The following OSBPL1A variants were observed in gnomAD, a reference collection of about 807,000 sequenced individuals.
The protein encoded by OSBPL1A is oxysterol-binding protein-related protein 1.
OSBPL1A carries 80 observed loss-of-function variants against 137.1 expected under a neutral mutation model. The observed-to-expected ratio is 0.58, with a 90% CI of 0.49 to 0.70. OSBPL1A has a LOEUF of 0.70. Ranked by LOEUF, OSBPL1A falls within the 30% of genes least tolerant of loss-of-function variation. The pLI is 0.00. For missense variants in OSBPL1A, 970 were observed against 1,129.4 expected (o/e 0.86, Z 2.02); for synonymous variants, 365 against 389.7 (o/e 0.94, Z 0.75).
At chr18:24,374,228 AC>A (rs1905905996) in intron 2 of OSBPL1A, among the ~76,000 whole-genome samples, 2 of 152,168 alleles carry the variant, frequency 1.3e-5, no homozygotes, top group African/African-American at 4.8e-5. Flanking sequence ...TTTCTAGACA[AC>A]CCAGATCCTC....
intron 1 of OSBPL1A, among the ~76,000 whole-genome samples, chr18:24,384,629 C>A (rs890438653): frequency 6.6e-6 from 1 of 151,356 alleles, no homozygotes; most frequent in Admixed American, 6.6e-5. Context: ...CAGCACTTTG[C>A]GAGGCCAAGA....
intron 15 of OSBPL1A, among the ~76,000 whole-genome samples, chr18:24,255,329 A>C (rs1046296455): frequency 6.6e-6 from 1 of 152,236 alleles, no homozygotes; most frequent in Non-Finnish European, 1.5e-5. Context: ...AGAGAAGGGA[A>C]TACTTCCAAA....
At chr18:24,213,431 T>C (rs2087602719) in intron 17 of OSBPL1A, among the ~76,000 whole-genome samples, 1 of 152,046 alleles carries the variant, frequency 6.6e-6, no homozygotes, top group Non-Finnish European at 1.5e-5. Context: ...TAGCCAGGTG[T>C]GGTGGCGCAG....
intron 15 of OSBPL1A, among the ~76,000 whole-genome samples, chr18:24,276,560 C>T (rs532788327): frequency 1.1e-4 from 16 of 152,290 alleles, no homozygotes; most frequent in African/African-American, 3.6e-4. Context: ...CTGCCTCACT[C>T]AGCCTCTCGA....
intron 15 of OSBPL1A, among the ~76,000 whole-genome samples, chr18:24,262,956 C>G (rs11877403): frequency 6.6e-6 from 1 of 152,060 alleles, no homozygotes; most frequent in Admixed American, 6.5e-5. Context: ...TGCAACTATA[C>G]GCAGTTCTTT....
chr18:24,365,747 G>T (rs2091694955), intron 4 of OSBPL1A, among the ~76,000 whole-genome samples: 1 of 152,140 alleles, frequency 6.6e-6, no homozygotes, highest in South Asian at 2.1e-4. Flanking sequence ...TTTTGGTGAT[G>T]TTGCACAATT....
rs538898285 is a variant in OSBPL1A at position 24,353,466 on chromosome 18, G to C, written c.283-11808C>G. On this transcript the variant is annotated intron_variant, in intron 4 of 27. Transcript: ENST00000319481. ...GAAATAGGAACACTTTTACACTGTT[G>C]GTGGGACTGTAAACTAGTTCAACCA... is the stretch of plus-strand genomic sequence containing the variant. 2.0e-3 allele frequency among the ~76,000 whole-genome samples: 307 copies of C among 152,106 alleles called. 1 individual carries two copies. The highest frequency in any genetic ancestry group is 6.8e-3 in the African/African-American group (280 of 41,466).
intron 5 of OSBPL1A, among the ~76,000 whole-genome samples, chr18:24,340,144 A>G (rs888395807): frequency 7.2e-5 from 11 of 152,216 alleles, no homozygotes; most frequent in African/African-American, 2.7e-4. Context: ...CATTAGAAAT[A>G]CTACTAAAAA....
At chr18:24,261,437 A>AT (rs2089443350) in intron 15 of OSBPL1A, among the ~76,000 whole-genome samples, 2 of 152,238 alleles carry the variant, frequency 1.3e-5, no homozygotes, top group Non-Finnish European at 2.9e-5. Context: ...CAATAAAGCT[A>AT]TAAAAATGAT....
intron 19 of OSBPL1A, 35 bp downstream of exon 19, chr18:24,181,110 C>T: frequency 1.2e-6 from 2 of 1,604,382 alleles, no homozygotes; most frequent in South Asian, 2.2e-5. Context: ...AGCAAGGTCT[C>T]TAAGAGTTAG....
chr18:24,309,460 T>C (rs1196006890), intron 13 of OSBPL1A, among the ~76,000 whole-genome samples: 2 of 152,172 alleles, frequency 1.3e-5, no homozygotes, highest in Admixed American at 1.3e-4. Context: ...TTCTTATAGG[T>C]CTGTGTACTA....
chr18:24,340,667 G>A (rs1305801063), intron 5 of OSBPL1A, among the ~76,000 whole-genome samples: 4 of 152,158 alleles, frequency 2.6e-5, no homozygotes, highest in African/African-American at 9.7e-5. Flanking sequence ...TTAGCCGGGT[G>A]TGATGGTACA....
At chr18:24,361,331 T>C (rs1048098207) in intron 4 of OSBPL1A, among the ~76,000 whole-genome samples, 4 of 152,208 alleles carry the variant, frequency 2.6e-5, no homozygotes, top group African/African-American at 4.8e-5. Context: ...CTGGCAGTGA[T>C]GTTTTTTTGT....
chr18:24,220,368 G>A (rs562350695), intron 17 of OSBPL1A, among the ~76,000 whole-genome samples: 44 of 152,322 alleles, frequency 2.9e-4, no homozygotes, highest in African/African-American at 1.0e-3. Flanking sequence ...GAAAGAGGTG[G>A]GCTTCACAGC....
At chr18:24,171,068 G>A (rs777319544) in intron 23 of OSBPL1A, among the ~76,000 whole-genome samples, 22 of 149,492 alleles carry the variant, frequency 1.5e-4, no homozygotes, top group Admixed American at 1.2e-3. Context: ...ATGGAGTCTC[G>A]CTGTCACCTG....
chr18:24,258,937 T>A, intron 15 of OSBPL1A, among the ~76,000 whole-genome samples: 1 of 146,376 alleles, frequency 6.8e-6, no homozygotes, highest in Middle Eastern at 3.4e-3. Context: ...TTTTTTTTTT[T>A]TTTTTTTTTT....
intron 17 of OSBPL1A, among the ~76,000 whole-genome samples, chr18:24,205,895 ATTG>A (rs1344426403): frequency 2.0e-5 from 3 of 152,074 alleles, no homozygotes; most frequent in Admixed American, 6.6e-5. Flanking sequence ...AGCCTTTTTT[ATTG>A]TTGTTGTTTT....
intron 2 of OSBPL1A, among the ~76,000 whole-genome samples, chr18:24,375,495 G>A (rs1243714361): frequency 1.3e-5 from 2 of 152,068 alleles, no homozygotes; most frequent in East Asian, 3.9e-4. Flanking sequence ...TGCTACACAT[G>A]GCATATTATG....
At chr18:24,233,658 T>G (rs1215738097) in intron 16 of OSBPL1A, among the ~76,000 whole-genome samples, 2 of 152,122 alleles carry the variant, frequency 1.3e-5, no homozygotes, top group Non-Finnish European at 2.9e-5. Context: ...TCTCTCTCTT[T>G]CTTTCTTTCA....
Sources: gnomAD v4.1 joint callset for allele counts (sites outside exome capture counted in the v4.1 genomes callset) on GRCh38, gnomAD v4.1.1 for gene constraint, MANE v1.5 for transcripts, NCBI Gene and HGNC (gene_info 2026-07-23, HGNC 2026-07-21) for gene names.